Variants in TENM2 observed in about 807,000 individuals in gnomAD.
TENM2 encodes the protein teneurin-2.
Under a neutral mutation model 245.2 loss-of-function variants are expected in TENM2, and 52 were observed. That is an observed-to-expected ratio of 0.21 (90% CI 0.17 to 0.27). The LOEUF (loss-of-function observed/expected upper bound fraction) is 0.27. TENM2 is among the 10% of genes least tolerant of loss of function. TENM2 has a pLI of 1.00. For synonymous variants in TENM2, 1,363 were observed against 1,438.9 expected (o/e 0.95, Z 1.19); for missense variants, 3,046 against 3,666.8 (o/e 0.83, Z 4.37).
chr5:167,098,204 G>T, the TENM2 span, among the ~76,000 whole-genome samples: 884 of 152,284 alleles, frequency 5.8e-3, 5 homozygotes, highest in African/African-American at 0.02. Flanking sequence ...TAACATGTGT[G>T]TATAGCTGTA....
At chr5:168,112,614 G>GGGT (rs1554199699) in intron 9 of TENM2, among the ~76,000 whole-genome samples, 3 of 121,022 alleles carry the variant, frequency 2.5e-5, no homozygotes, top group Non-Finnish European at 3.5e-5. Flanking sequence ...GGCGGGGGGG[G>GGGT]GGTCAAACTT....
intron 2 of TENM2, among the ~76,000 whole-genome samples, chr5:167,742,499 G>A (rs746369967): frequency 6.6e-6 from 1 of 152,000 alleles, no homozygotes; most frequent in Admixed American, 6.6e-5. Context: ...TGTCCATGTG[G>A]TTAGTATGTT....
intron 2 of TENM2, among the ~76,000 whole-genome samples, chr5:167,402,291 G>C (rs1301628876): frequency 6.6e-6 from 1 of 152,226 alleles, no homozygotes; most frequent in Non-Finnish European, 1.5e-5. Flanking sequence ...TCTTCCTTGG[G>C]TTCTATTCTC....
chr5:167,089,302 C>A, the TENM2 span, among the ~76,000 whole-genome samples: 1 of 152,040 alleles, frequency 6.6e-6, no homozygotes, highest in Non-Finnish European at 1.5e-5. Flanking sequence ...ACTGTGATAG[C>A]ATATAACACT....
chr5:168,203,486 A>C (rs950591985), intron 17 of TENM2, among the ~76,000 whole-genome samples: 1 of 152,180 alleles, frequency 6.6e-6, no homozygotes, highest in Non-Finnish European at 1.5e-5. Flanking sequence ...TAAAGTTTCA[A>C]GGTTGAGTTC....
At chr5:167,859,739 A>G (rs1178132091) in intron 2 of TENM2, among the ~76,000 whole-genome samples, 72 of 42,160 alleles carry the variant, frequency 1.7e-3, no homozygotes, top group Admixed American at 5.1e-3. Flanking sequence ...AGGTGGGGGG[A>G]TCAGCCCCCC....
chr5:167,508,110 A>C (rs1401041078), intron 2 of TENM2, among the ~76,000 whole-genome samples: 7 of 152,180 alleles, frequency 4.6e-5, no homozygotes, highest in Non-Finnish European at 8.8e-5. Flanking sequence ...GCACCCAGCC[A>C]GTTTGTTACA....
chr5:167,253,268 T>TG, the TENM2 span, among the ~76,000 whole-genome samples: 477 of 150,942 alleles, frequency 3.2e-3, no homozygotes, highest in Non-Finnish European at 5.3e-3. Flanking sequence ...TTTTTTTTTT[T>TG]TTAATTTTTC....
intron 9 of TENM2, among the ~76,000 whole-genome samples, chr5:168,105,612 C>T (rs139576736): frequency 7.9e-5 from 12 of 152,136 alleles, no homozygotes; most frequent in South Asian, 2.1e-4. Context: ...TCAGGGAATA[C>T]GGAGAAAATT....
intron 2 of TENM2, among the ~76,000 whole-genome samples, chr5:167,821,681 C>T (rs2151039818): frequency 6.6e-6 from 1 of 152,140 alleles, no homozygotes; most frequent in South Asian, 2.1e-4. Flanking sequence ...TGTTTTATAA[C>T]ATAGTTTTTG....
At chr5:167,739,317 C>T (rs1426978452) in intron 2 of TENM2, among the ~76,000 whole-genome samples, 1 of 152,126 alleles carries the variant, frequency 6.6e-6, no homozygotes, top group Non-Finnish European at 1.5e-5. Context: ...CTATGAAAAG[C>T]CAAACCAGAA....
At chr5:167,197,496 T>G in the TENM2 span, among the ~76,000 whole-genome samples, 3 of 152,088 alleles carry the variant, frequency 2.0e-5, no homozygotes, top group African/African-American at 7.2e-5. Flanking sequence ...TTCTTTATAC[T>G]TTTTCCTGGG....
chr5:167,951,298 AG>A (rs1780082486), intron 3 of TENM2, among the ~76,000 whole-genome samples: 1 of 152,224 alleles, frequency 6.6e-6, no homozygotes, highest in Non-Finnish European at 1.5e-5. Flanking sequence ...TAAAGTTGGC[AG>A]GGGCCAAAAA....
At chr5:167,232,159 GC>G in the TENM2 span, among the ~76,000 whole-genome samples, 1 of 152,236 alleles carries the variant, frequency 6.6e-6, no homozygotes, top group Non-Finnish European at 1.5e-5. Flanking sequence ...CTTTTCTAGG[GC>G]AGTGCAGAAG....
intron 2 of TENM2, among the ~76,000 whole-genome samples, chr5:167,862,847 CTTG>C (rs1454792980): frequency 1.3e-5 from 2 of 152,194 alleles, no homozygotes; most frequent in Non-Finnish European, 2.9e-5. Flanking sequence ...GATCTCCATA[CTTG>C]TCATGAGAAT....
At chr5:168,149,382 G>C (rs919273125) in intron 12 of TENM2, 7 of 456,992 alleles carry the variant, frequency 1.5e-5, no homozygotes, top group African/African-American at 1.4e-4. Flanking sequence ...TCATCTGCCT[G>C]CTAGTTCCAA....
rs1431322705 is a variant in TENM2, at chr5:168,218,610, C to T, written c.4719C>T (p.Asn1573=). The change falls in exon 23 of 29, where the codon AAC becomes AAT. Residue 1573 remains asparagine (N), a synonymous_variant. Coordinates refer to ENST00000518659, the Ensembl canonical transcript of TENM2. The surrounding 1 kb of genome is among the most constrained non-coding windows in gnomAD (Gnocchi z 5.2). The stretch of plus-strand genomic sequence containing the variant: ...TTCGGATCAGGGCGGTCAGCAAGAA[C>T]AAGCCTGTTCTTAATGCCTTCAACC... The T allele has an allele frequency of 6.2e-7, 1 of 1,613,986 alleles. No individual in the cohort carries two copies. Among genetic ancestry groups the T allele is most frequent in the Non-Finnish European group, 8.5e-7 (1 of 1,179,900 alleles).
At chr5:167,454,258 G>C (rs1257267467) in intron 2 of TENM2, among the ~76,000 whole-genome samples, 2 of 152,082 alleles carry the variant, frequency 1.3e-5, no homozygotes, top group East Asian at 3.9e-4. Context: ...GGCATATACT[G>C]CTCATTCTCA....
intron 25 of TENM2, among the ~76,000 whole-genome samples, chr5:168,242,860 G>C (rs904957762): frequency 1.3e-5 from 2 of 152,164 alleles, no homozygotes; most frequent in African/African-American, 4.8e-5. Flanking sequence ...GGGAGGCTGA[G>C]GCAGGAGAAT....
Sources: gnomAD v4.1 joint callset for allele counts (sites outside exome capture counted in the v4.1 genomes callset) on GRCh38, gnomAD v4.1.1 for gene constraint, Gnocchi (gnomAD v3.1) non-coding constraint, MANE v1.5 for transcripts, NCBI Gene and HGNC (gene_info 2026-07-23, HGNC 2026-07-21) for gene names.